The following KCNB2 variants were observed in gnomAD, a reference collection of about 807,000 sequenced individuals.
KCNB2 encodes delayed rectifier potassium channel protein.
Under a neutral mutation model 61.5 loss-of-function variants are expected in KCNB2, and 15 were observed. That is an observed-to-expected ratio of 0.24 (90% confidence interval 0.16 to 0.38). The LOEUF (loss-of-function observed/expected upper bound fraction) is 0.38, where lower values mean the gene tolerates loss of function less well. KCNB2 is among the 10% of genes least tolerant of loss of function. KCNB2 has a pLI of 1.00. For synonymous variants in KCNB2, 457 were observed against 446.0 expected (o/e 1.02, Z -0.31); for missense variants, 828 against 1,125.2 (o/e 0.74, Z 3.78).
At chr8:72,663,296 T>C (rs540290608) in intron 2 of KCNB2, among the ~76,000 whole-genome samples, 1 of 152,294 alleles carries the variant, frequency 6.6e-6, no homozygotes, top group South Asian at 2.1e-4. Flanking sequence ...AAGTAACAAG[T>C]AGGGTGCTTT....
chr8:72,588,158 A>G (rs372306154), intron 2 of KCNB2, among the ~76,000 whole-genome samples: 2 of 147,944 alleles, frequency 1.4e-5, no homozygotes, highest in African/African-American at 2.5e-5. Flanking sequence ...AGAGTTTTTG[A>G]TTTTTATTTT....
At chr8:72,811,543 CAG>C (rs1491226326) in intron 2 of KCNB2, among the ~76,000 whole-genome samples, 1 of 152,202 alleles carries the variant, frequency 6.6e-6, no homozygotes, top group African/African-American at 2.4e-5. Flanking sequence ...TTTATGTATA[CAG>C]AGACTATTGA....
chr8:72,745,383 C>T (rs1245583797), intron 2 of KCNB2, among the ~76,000 whole-genome samples: 2 of 152,040 alleles, frequency 1.3e-5, no homozygotes, highest in African/African-American at 4.8e-5. Context: ...AATTCAGAGC[C>T]CCAGAGCCAC....
chr8:72,783,725 C>T (rs1808802090), intron 2 of KCNB2, among the ~76,000 whole-genome samples: 1 of 152,144 alleles, frequency 6.6e-6, no homozygotes, highest in Non-Finnish European at 1.5e-5. Flanking sequence ...CAGGGACCTG[C>T]CTTTTGTTTC....
chr8:72,580,586 A>G (rs1238792375), intron 2 of KCNB2, among the ~76,000 whole-genome samples: 2 of 152,096 alleles, frequency 1.3e-5, no homozygotes, highest in Non-Finnish European at 2.9e-5. Context: ...CACATTTTGA[A>G]CTCTGTTAGC....
chr8:72,834,000 T>C (rs1422831506), intron 2 of KCNB2, among the ~76,000 whole-genome samples: 1 of 152,242 alleles, frequency 6.6e-6, no homozygotes, highest in Non-Finnish European at 1.5e-5. Context: ...ACAAACCAGA[T>C]ACTGTTTTCT....
At chr8:72,852,982 CT>C (rs1212414887) in intron 2 of KCNB2, among the ~76,000 whole-genome samples, 2 of 152,144 alleles carry the variant, frequency 1.3e-5, no homozygotes, top group African/African-American at 2.4e-5. Context: ...GCAATAGCCT[CT>C]TTTTCTGGAG....
At chr8:72,589,853 C>G (rs970023584) in intron 2 of KCNB2, among the ~76,000 whole-genome samples, 1 of 152,282 alleles carries the variant, frequency 6.6e-6, no homozygotes, top group South Asian at 2.1e-4. Flanking sequence ...GGTGATTATA[C>G]AACTAAGGGC....
At chr8:72,544,397 G>A (rs1465980797) in intron 1 of KCNB2, among the ~76,000 whole-genome samples, 2 of 152,196 alleles carry the variant, frequency 1.3e-5, no homozygotes, top group Non-Finnish European at 2.9e-5. Context: ...TTTTTAAAAA[G>A]TGGTGTAATC....
At chr8:72,579,882 A>T (rs1317697329) in intron 2 of KCNB2, among the ~76,000 whole-genome samples, 2 of 152,072 alleles carry the variant, frequency 1.3e-5, no homozygotes, top group Non-Finnish European at 2.9e-5. Flanking sequence ...AGCCTGGGGG[A>T]AAAAAAGGAA....
chr8:72,680,108 G>A (rs1806727665), intron 2 of KCNB2, among the ~76,000 whole-genome samples: 2 of 152,176 alleles, frequency 1.3e-5, no homozygotes, highest in Non-Finnish European at 2.9e-5. Flanking sequence ...TAATAAGATT[G>A]TAATTATCTG....
At chr8:72,863,877 G>C (rs573584235) in intron 2 of KCNB2, among the ~76,000 whole-genome samples, 1 of 152,282 alleles carries the variant, frequency 6.6e-6, no homozygotes, top group South Asian at 2.1e-4. Flanking sequence ...GGTGGCATGT[G>C]CCTATGGTCC....
At chr8:72,846,257 C>T (rs562520509) in intron 2 of KCNB2, among the ~76,000 whole-genome samples, 207 of 152,280 alleles carry the variant, frequency 1.4e-3, no homozygotes, top group African/African-American at 4.7e-3. Flanking sequence ...TGCTTTGGCT[C>T]ACCCTCCATG....
At chr8:72,625,706 C>T (rs895281336) in intron 2 of KCNB2, among the ~76,000 whole-genome samples, 2 of 152,100 alleles carry the variant, frequency 1.3e-5, no homozygotes, top group South Asian at 2.1e-4. Flanking sequence ...GCTGGGATTG[C>T]GGGCATGAGC....
rs764278807 is a variant in KCNB2 at position 72,937,117 on chromosome 8, G to A, written c.1762G>A (p.Val588Met). Residue 588 changes from valine (V) to methionine (M), a missense_variant, in exon 3 of 3, where the codon GTG (valine) becomes ATG (methionine). Physicochemically the swap from Val to Met is conservative, Grantham distance 21 (BLOSUM62 1). This residue lies in a region of KCNB2 where 559 missense variants were observed against 588.4 expected (regional missense o/e 0.95). Coordinates refer to ENST00000523207, the MANE Select transcript of KCNB2 (RefSeq NM_004770.3). ...EVVCPQEQLA[V>M]AQTEVIVDMK... ...GGTGTGTCCACAGGAGCAGCTGGCC[G>A]TGGCACAGACCGAGGTCATTGTGGA... The A allele has an allele frequency of 6.8e-6, 11 of 1,614,152 alleles. No individual in the cohort carries two copies. Among genetic ancestry groups the A allele is most frequent in the East Asian group, 2.2e-5 (1 of 44,858 alleles).
intron 2 of KCNB2, among the ~76,000 whole-genome samples, chr8:72,788,462 C>T (rs1299165083): frequency 6.6e-6 from 1 of 152,096 alleles, no homozygotes; most frequent in Non-Finnish European, 1.5e-5. Context: ...AGCTTCATGA[C>T]TCCATTTCAC....
intron 2 of KCNB2, among the ~76,000 whole-genome samples, chr8:72,712,292 C>T (rs1807338606): frequency 6.6e-6 from 1 of 152,198 alleles, no homozygotes; most frequent in African/African-American, 2.4e-5. Flanking sequence ...GCTGTAAGGC[C>T]TACCCCCAGT....
chr8:72,680,639 T>C (rs1806735327), intron 2 of KCNB2, among the ~76,000 whole-genome samples: 2 of 152,158 alleles, frequency 1.3e-5, no homozygotes, highest in Non-Finnish European at 2.9e-5. Context: ...ACCTCCTGAC[T>C]CTGAGACCTC....
chr8:72,840,369 A>G (rs1364185950), intron 2 of KCNB2, among the ~76,000 whole-genome samples: 1 of 152,198 alleles, frequency 6.6e-6, no homozygotes, highest in African/African-American at 2.4e-5. Context: ...TGCAATAAAC[A>G]TACATGTGCA....
Sources: gnomAD v4.1 joint callset for allele counts (sites outside exome capture counted in the v4.1 genomes callset) on GRCh38, gnomAD v4.1.1 for gene constraint, gnomAD v4.1.1 regional missense constraint, MANE v1.5 for transcripts, NCBI Gene and HGNC (gene_info 2026-07-23, HGNC 2026-07-21) for gene names.